Variants in ANXA10 observed in about 807,000 individuals in gnomAD.
The protein encoded by ANXA10 is annexin A10.
Under a neutral mutation model 53.5 loss-of-function variants are expected in ANXA10, and 49 were observed. The observed-to-expected ratio is 0.92, with a 90% CI of 0.73 to 1.16. The LOEUF (loss-of-function observed/expected upper bound fraction) is 1.16. Ranked by LOEUF, ANXA10 falls within the 50% of genes most tolerant of loss-of-function variation. The probability of loss-of-function intolerance (pLI) is 0.00; values close to 1 mark genes in which losing one functional copy is unlikely to be tolerated. For synonymous variants in ANXA10, 131 were observed against 128.9 expected (o/e 1.02, Z -0.11); for missense variants, 393 against 394.4 (o/e 1.00, Z 0.03).
chr4:168,179,779 T>C (rs1274783823), intron 9 of ANXA10, among the ~76,000 whole-genome samples: 1 of 152,186 alleles, frequency 6.6e-6, no homozygotes, highest in Non-Finnish European at 1.5e-5. Flanking sequence ...ATTTACCAAG[T>C]AGTGATTTTC....
At chr4:168,173,885 T>A (rs1429721718) in intron 6 of ANXA10, among the ~76,000 whole-genome samples, 4 of 152,158 alleles carry the variant, frequency 2.6e-5, no homozygotes, top group Admixed American at 2.0e-4. Context: ...GCCTTTTTTT[T>A]AGCCTTTTTG....
At chr4:168,100,006 A>G (rs1339505784) in intron 1 of ANXA10, among the ~76,000 whole-genome samples, 1 of 152,018 alleles carries the variant, frequency 6.6e-6, no homozygotes. Flanking sequence ...ATCTAGGTTC[A>G]TTTCCTTTTT....
chr4:168,139,653 A>T (rs890371595), intron 3 of ANXA10, 73 bp downstream of exon 3: 148 of 1,081,668 alleles, frequency 1.4e-4, no homozygotes, highest in South Asian at 5.7e-4. Context: ...GATAATAGGT[A>T]TTTTTTTTTT....
rs776344985 is a variant in ANXA10, at chr4:168,184,686, G to C, written c.906+5G>C. ...TCCCTATTTCATGATATCAGAGTAA[G>C]TTTCCGACACATGATTTATTTGGAC... On this transcript the variant is annotated splice_donor_5th_base_variant and intron_variant, in intron 11 of 11. Coordinates refer to ENST00000359299, the MANE Select transcript of ANXA10 (RefSeq NM_007193.5). The C allele has an allele frequency of 8.1e-6, 13 of 1,612,018 alleles. No homozygotes were observed. Among genetic ancestry groups the C allele is most frequent in the Middle Eastern group, 1.6e-4 (1 of 6,066 alleles).
Position 168,114,976 on chromosome 4 carries a change from C to G in ANXA10, c.19-13108C>G, listed in dbSNP as rs138154507. Among the ~76,000 whole-genome samples the G allele has an allele frequency of 1.8e-3, 278 of 152,232 alleles. 1 individual carries two copies. The Middle Eastern group carries it at 0.02, about 11-fold the overall frequency. ...AATCTCAGCTCACCACAACCTCTGC[C>G]TCCAGGGCTCAAAAATCCTCCCATC... On this transcript the variant is annotated intron_variant, in intron 1 of 11. Transcript: ENST00000359299.
At chr4:168,111,792 G>T (rs1281893588) in intron 1 of ANXA10, among the ~76,000 whole-genome samples, 5 of 152,082 alleles carry the variant, frequency 3.3e-5, no homozygotes, top group Non-Finnish European at 7.4e-5. Context: ...TTGGGGCACA[G>T]ATATGTTCAC....
intron 3 of ANXA10, among the ~76,000 whole-genome samples, chr4:168,148,767 AT>A (rs924031784): frequency 1.3e-5 from 2 of 151,058 alleles, no homozygotes; most frequent in African/African-American, 4.9e-5. Context: ...TTTCGATGTG[AT>A]TTTTTTTCAA....
intron 1 of ANXA10, among the ~76,000 whole-genome samples, chr4:168,098,306 T>C (rs904894258): frequency 2.0e-5 from 3 of 152,110 alleles, no homozygotes; most frequent in East Asian, 3.9e-4. Flanking sequence ...ATATGAATCA[T>C]AGTTAGTTTA....
chr4:168,145,639 A>G (rs530427589), intron 3 of ANXA10, among the ~76,000 whole-genome samples: 2 of 152,368 alleles, frequency 1.3e-5, no homozygotes, highest in South Asian at 4.1e-4. Flanking sequence ...AGAAAGAAGC[A>G]TCATGCTTAG....
intron 6 of ANXA10, among the ~76,000 whole-genome samples, chr4:168,171,222 G>A (rs1173585606): frequency 6.6e-6 from 1 of 152,180 alleles, no homozygotes; most frequent in African/African-American, 2.4e-5. Context: ...GGTGAAATTT[G>A]GAGCTGGTGA....
intron 1 of ANXA10, among the ~76,000 whole-genome samples, chr4:168,122,091 T>A (rs1248905748): frequency 6.6e-6 from 1 of 152,118 alleles, no homozygotes; most frequent in East Asian, 1.9e-4. Flanking sequence ...TCCACCCACC[T>A]CGCCTCCCAA....
At chr4:168,100,960 A>T (rs1483575536) in intron 1 of ANXA10, among the ~76,000 whole-genome samples, 1 of 152,010 alleles carries the variant, frequency 6.6e-6, no homozygotes, top group Non-Finnish European at 1.5e-5. Flanking sequence ...TTATACCAGT[A>T]TTTCTGCTAA....
chr4:168,094,198 C>T (rs1277303745), intron 1 of ANXA10, among the ~76,000 whole-genome samples: 1 of 151,920 alleles, frequency 6.6e-6, no homozygotes, highest in Non-Finnish European at 1.5e-5. Flanking sequence ...TTAAACATTA[C>T]CAGGCTAACA....
intron 1 of ANXA10, among the ~76,000 whole-genome samples, chr4:168,097,097 C>CA (rs1021448836): frequency 3.3e-5 from 5 of 151,548 alleles, no homozygotes; most frequent in Admixed American, 6.6e-5. Context: ...TTGTATCATG[C>CA]AAAAAAATTT....
intron 9 of ANXA10, 128 bp downstream of exon 9, chr4:168,179,440 T>A: frequency 1.5e-6 from 1 of 646,474 alleles, no homozygotes; most frequent in Non-Finnish European, 2.6e-6. Context: ...TTTAATTTTT[T>A]AAAAGGACAT....
At chr4:168,097,468 T>G (rs902939610) in intron 1 of ANXA10, among the ~76,000 whole-genome samples, 1 of 152,084 alleles carries the variant, frequency 6.6e-6, no homozygotes, top group African/African-American at 2.4e-5. Flanking sequence ...AATTACATTC[T>G]ATATACAGAC....
At chr4:168,126,311 A>G (rs1380542216) in intron 1 of ANXA10, among the ~76,000 whole-genome samples, 1 of 152,228 alleles carries the variant, frequency 6.6e-6, no homozygotes, top group Admixed American at 6.5e-5. Flanking sequence ...GTATTTATTG[A>G]AAACATGCTG....
chr4:168,182,757 T>C (rs1206176387), intron 10 of ANXA10, among the ~76,000 whole-genome samples: 2 of 148,634 alleles, frequency 1.3e-5, no homozygotes, highest in South Asian at 4.4e-4. Context: ...ATGCCTGTAA[T>C]CCCAGCACTT....
intron 2 of ANXA10, 23 bp downstream of exon 2, chr4:168,128,188 T>A (rs1235651468): frequency 6.3e-7 from 1 of 1,585,130 alleles, no homozygotes; most frequent in Non-Finnish European, 8.7e-7. Flanking sequence ...ATTTCTACCA[T>A]CTTTTATTGT....
Sources: allele counts gnomAD v4.1 joint callset (sites outside exome capture counted in the v4.1 genomes callset), GRCh38; gene constraint gnomAD v4.1.1; transcripts MANE v1.5; gene names NCBI Gene and HGNC (gene_info 2026-07-23, HGNC 2026-07-21).